Variants in PIWIL1 observed in about 807,000 individuals in gnomAD.
The protein encoded by PIWIL1 is piwi-like protein 1.
In PIWIL1, 73 loss-of-function variants were observed where a neutral mutation model predicts 114.4. That is an observed-to-expected ratio of 0.64 (90% CI 0.53 to 0.78). The LOEUF is 0.78. PIWIL1 is among the 30% of genes least tolerant of loss of function. PIWIL1 has a pLI of 0.00. For synonymous variants in PIWIL1, 375 were observed against 369.0 expected, an observed-to-expected ratio of 1.02 and a Z score of -0.19; for missense variants, 723 against 1,063.1, an observed-to-expected ratio of 0.68 and a Z score of 4.45.
chr12:130,359,707 T>C (rs1018898220), intron 14 of PIWIL1, among the ~76,000 whole-genome samples: 9 of 152,324 alleles, frequency 5.9e-5, no homozygotes, highest in African/African-American at 2.2e-4. Context: ...GGGTGATACA[T>C]AGAAGTTCAG....
intron 18 of PIWIL1, among the ~76,000 whole-genome samples, chr12:130,365,560 A>T (rs1236882225): frequency 6.6e-6 from 1 of 152,224 alleles, no homozygotes; most frequent in Non-Finnish European, 1.5e-5. Flanking sequence ...TTCAAATTGA[A>T]ATGTTGCTTT....
chr12:130,372,561 G>GCA lies in PIWIL1; in HGVS notation c.*965_*966dup, dbSNP rs2073834434. 1 of 123,214 alleles carries GCA rather than the reference G, an allele frequency of 8.1e-6. No individual in the cohort carries two copies. The highest frequency in any genetic ancestry group is 2.9e-4 in the South Asian group (1 of 3,400). The allele number at this position is 123,214 out of a possible 1,614,324, so 7.6% of individuals were successfully genotyped here. On this transcript the variant is annotated 3_prime_UTR_variant, in exon 21 of 21. Transcript: ENST00000245255. Reference sequence around the variant, plus strand: ...TGCAGTGAGCAGAGATCACGCCACTGCACTCCAGCCTGGGCAACAGAGTGA... The same window carrying GCA: ...TGCAGTGAGCAGAGATCACGCCACTGCACACTCCAGCCTGGGCAACAGAGTGA...
intron 6 of PIWIL1, among the ~76,000 whole-genome samples, chr12:130,347,741 C>T (rs763879495): frequency 4.0e-5 from 6 of 149,538 alleles, no homozygotes; most frequent in Non-Finnish European, 5.9e-5. Context: ...TAGTAAACAT[C>T]GTAGGCTTTG....
At chr12:130,396,312 A>G in the PIWIL1 span, 181 of 152,790 alleles carry the variant, frequency 1.2e-3, no homozygotes, top group East Asian at 0.028. Flanking sequence ...TTTGTCATTC[A>G]TTTATAAACC....
chr12:130,399,644 G>T, the PIWIL1 span: 1 of 1,612,060 alleles, frequency 6.2e-7, no homozygotes, highest in South Asian at 1.1e-5. Context: ...GGCAGAACGG[G>T]ACAGAGATTA....
intron 9 of PIWIL1, chr12:130,351,335 A>G (rs1004625957): frequency 3.9e-5 from 6 of 152,294 alleles, no homozygotes; most frequent in African/African-American, 1.4e-4. Flanking sequence ...AGCTCTGCCC[A>G]GACCCCTTTT....
downstream of PIWIL1, among the ~76,000 whole-genome samples, chr12:130,376,390 C>T (rs376023433): frequency 3.9e-5 from 6 of 152,284 alleles, no homozygotes; most frequent in South Asian, 2.1e-4. Context: ...CCTGAGGGCG[C>T]GTTAGAGTGC....
Position 130,343,325 on chromosome 12 carries a change from C to A in PIWIL1, c.190+224C>A, listed in dbSNP as rs1487820654. Among the ~76,000 whole-genome samples, 6 of 152,122 alleles carry A rather than the reference C, an allele frequency of 3.9e-5. 1 individual carries two copies. Among genetic ancestry groups the A allele is most frequent in the Admixed American group, 3.9e-4 (6 of 15,282 alleles). On this transcript the variant is annotated intron_variant, in intron 3 of 20. Transcript: ENST00000245255. ...AATAAATGACTTAAAAAAATGGTTA[C>A]TCAGGATTGCAAATTTAACTCTATG...
At chr12:130,407,737 C>T in the PIWIL1 span, 18 of 1,613,662 alleles carry the variant, frequency 1.1e-5, no homozygotes, top group African/African-American at 1.2e-4. Context: ...TCGACATCGA[C>T]GTTGGGCGAG....
chr12:130,355,551 A>G lies in PIWIL1; in HGVS notation c.1290-2A>G. On this transcript the variant is annotated splice_acceptor_variant, in intron 11 of 20. Coordinates refer to ENST00000245255, the MANE Select transcript of PIWIL1 (RefSeq NM_004764.5). LOFTEE classifies it high-confidence loss of function. ...TCGCATGTAAATGTGTTAAATTTAC[A>G]GAAACGATAATGTTCAAAGGGAGCT... 3 of 1,605,536 alleles carry G rather than the reference A, an allele frequency of 1.9e-6. No individual in the cohort carries two copies. The highest frequency in any genetic ancestry group is 1.3e-5 in the African/African-American group (1 of 74,896).
At chr12:130,397,375 C>T in the PIWIL1 span, 1 of 398,906 alleles carries the variant, frequency 2.5e-6, no homozygotes. Context: ...TTCACTGCAC[C>T]CAGCTTTTTC....
chr12:130,340,478 C>T (rs1412204105), intron 1 of PIWIL1, among the ~76,000 whole-genome samples: 1 of 151,968 alleles, frequency 6.6e-6, no homozygotes, highest in Non-Finnish European at 1.5e-5. Flanking sequence ...GCCGACTTCA[C>T]AGTAGGGTTC....
chr12:130,386,210 A>C, the PIWIL1 span, among the ~76,000 whole-genome samples: 142,386 of 152,232 alleles, frequency 0.94, 66,711 homozygotes, highest in Non-Finnish European at 0.96. Flanking sequence ...TAGAAAGGCT[A>C]AGATGCTCAG....
intron 15 of PIWIL1, 56 bp downstream of exon 15, chr12:130,361,436 A>T (rs1360551895): frequency 1.2e-6 from 2 of 1,609,744 alleles, no homozygotes; most frequent in South Asian, 2.2e-5. Flanking sequence ...AAGAACATGG[A>T]TTTACTTTTT....
chr12:130,413,787 CCT>C, the PIWIL1 span, among the ~76,000 whole-genome samples: 1 of 152,166 alleles, frequency 6.6e-6, no homozygotes, highest in Non-Finnish European at 1.5e-5. Context: ...CTCCCTCCTT[CCT>C]CTCTTCCCTG....
chr12:130,399,808 C>G, the PIWIL1 span: 16 of 1,614,022 alleles, frequency 9.9e-6, no homozygotes, highest in East Asian at 3.3e-4. Flanking sequence ...GCCCATTCAG[C>G]TCCCCCTAAA....
chr12:130,405,457 C>G, the PIWIL1 span, among the ~76,000 whole-genome samples: 3 of 152,118 alleles, frequency 2.0e-5, no homozygotes, highest in African/African-American at 7.2e-5. Context: ...AAGGTGGGGA[C>G]CCCCACTGGG....
Position 130,354,972 on chromosome 12 carries a change from G to A in PIWIL1, c.1256G>A (p.Arg419His), listed in dbSNP as rs138419869. The A allele has an allele frequency of 7.0e-5, 113 of 1,612,330 alleles. No individual in the cohort carries two copies. In the Admixed American group the frequency reaches 1.5e-3, roughly 22 times the overall value. ...HTRLTPEQRQREVGRLIDYIH... is the reference protein window; with the variant it reads ...HTRLTPEQRQHEVGRLIDYIH... ...AGACTAACTCCAGAGCAAAGGCAGCGTGAAGTGGGACGACTCATTGATTAC... is the reference window on the plus strand; with the variant it reads ...AGACTAACTCCAGAGCAAAGGCAGCATGAAGTGGGACGACTCATTGATTAC... The change falls in exon 11 of 21, where the codon CGT becomes CAT. Residue 419 changes from arginine (R) to histidine (H), a missense_variant. Around this residue, in one of 8 missense-constraint regions of PIWIL1, gnomAD observed 298 missense variants for 420.8 expected, o/e 0.71. Coordinates refer to ENST00000245255, the MANE Select transcript of PIWIL1 (RefSeq NM_004764.5).
chr12:130,407,616 T>C, the PIWIL1 span: 1 of 890,340 alleles, frequency 1.1e-6, no homozygotes, highest in Admixed American at 1.7e-5. Context: ...TACGGATGGT[T>C]CGGAGAGAAG....
Sources: gnomAD v4.1 joint callset for allele counts (sites outside exome capture counted in the v4.1 genomes callset) on GRCh38, gnomAD v4.1.1 for gene constraint, gnomAD v4.1.1 regional missense constraint, MANE v1.5 for transcripts, NCBI Gene and HGNC (gene_info 2026-07-23, HGNC 2026-07-21) for gene names.